The following PRELID2 variants were observed in gnomAD, a reference collection of about 807,000 sequenced individuals.
PRELID2 encodes the protein PRELI domain containing 2, also known as PRELI domain-containing protein 2.
Under a neutral mutation model 28.4 loss-of-function variants are expected in PRELID2, and 25 were observed. The observed-to-expected ratio is 0.88, with a 90% CI of 0.64 to 1.23. The LOEUF (loss-of-function observed/expected upper bound fraction) is 1.23. Among genes scored for constraint, PRELID2 ranks in the 50% most tolerant of loss-of-function variants. PRELID2 has a pLI of 0.00. For missense variants in PRELID2, 201 were observed against 214.4 expected (o/e 0.94, Z 0.39); for synonymous variants, 76 against 71.6 (o/e 1.06, Z -0.31).
chr5:145,779,813 C>T (rs955533562), intron 5 of PRELID2, among the ~76,000 whole-genome samples: 4 of 152,180 alleles, frequency 2.6e-5, no homozygotes, highest in Non-Finnish European at 4.4e-5. Flanking sequence ...GGAGGGCACT[C>T]TGATTTAAAT....
At chr5:145,296,543 A>G in the PRELID2 span, among the ~76,000 whole-genome samples, 1 of 152,156 alleles carries the variant, frequency 6.6e-6, no homozygotes, top group Non-Finnish European at 1.5e-5. Context: ...ATGGCTGCAT[A>G]GTATTCCATG....
the PRELID2 span, among the ~76,000 whole-genome samples, chr5:145,232,996 TGG>T: frequency 6.6e-5 from 10 of 150,788 alleles, no homozygotes; most frequent in African/African-American, 2.5e-4. Flanking sequence ...TGTGTGTGTG[TGG>T]AGATATATAT....
At chr5:145,477,918 A>T (rs1294290878) in intron 1 of PRELID2, among the ~76,000 whole-genome samples, 1 of 152,048 alleles carries the variant, frequency 6.6e-6, no homozygotes, top group Non-Finnish European at 1.5e-5. Flanking sequence ...GAGGAAGAGA[A>T]ATTTGAGATG....
intron 5 of PRELID2, among the ~76,000 whole-genome samples, chr5:145,785,969 T>A (rs1751966860): frequency 6.6e-6 from 1 of 152,220 alleles, no homozygotes; most frequent in South Asian, 2.1e-4. Flanking sequence ...GAGCTGTTCA[T>A]GCAATTCATG....
At chr5:145,697,743 T>C (rs1755312554) in intron 1 of PRELID2, among the ~76,000 whole-genome samples, 1 of 152,194 alleles carries the variant, frequency 6.6e-6, no homozygotes, top group African/African-American at 2.4e-5. Flanking sequence ...AAGAAAAGTC[T>C]CTTGGGTGTG....
chr5:145,651,373 C>T (rs1285524432), intron 1 of PRELID2, among the ~76,000 whole-genome samples: 1 of 152,248 alleles, frequency 6.6e-6, no homozygotes, highest in East Asian at 1.9e-4. Context: ...CCTCTGCAGA[C>T]TTCAATGTCC....
intron 1 of PRELID2, among the ~76,000 whole-genome samples, chr5:145,739,458 T>C (rs1389527658): frequency 1.3e-5 from 2 of 152,162 alleles, no homozygotes; most frequent in African/African-American, 2.4e-5. Context: ...TGAGCCGAGA[T>C]TGCACCACTG....
At chr5:145,713,604 T>C (rs1455316094) in intron 1 of PRELID2, among the ~76,000 whole-genome samples, 1 of 131,800 alleles carries the variant, frequency 7.6e-6, no homozygotes, top group African/African-American at 2.9e-5. Flanking sequence ...TTTATATACA[T>C]AAAATATATA....
rs547531079 is a variant in PRELID2, at chr5:145,770,845, C to T, written c.475-5845G>A. ...GCAATGTGTTTGCGTTTTAAGCTAA[C>T]GGTTATAACAAAATAGTCAAAAAGT... On this transcript the variant is annotated intron_variant, in intron 5 of 6. Transcript: ENST00000683046. Among the ~76,000 whole-genome samples the T allele has an allele frequency of 4.3e-4, 65 of 152,156 alleles. 1 individual carries two copies. The highest frequency in any genetic ancestry group is 1.5e-3 in the African/African-American group (61 of 41,524).
At chr5:145,564,948 C>A (rs1253093006) in intron 1 of PRELID2, among the ~76,000 whole-genome samples, 5 of 152,186 alleles carry the variant, frequency 3.3e-5, no homozygotes, top group South Asian at 2.1e-4. Context: ...AAGTGACACC[C>A]CACCCTGCTT....
At chr5:145,696,083 A>G (rs1017144073) in intron 1 of PRELID2, among the ~76,000 whole-genome samples, 6 of 151,300 alleles carry the variant, frequency 4.0e-5, no homozygotes, top group African/African-American at 1.2e-4. Context: ...AACTCTATAT[A>G]TATCTAAAAC....
intron 1 of PRELID2, among the ~76,000 whole-genome samples, chr5:145,480,407 G>C (rs1051161303): frequency 6.6e-6 from 1 of 151,960 alleles, no homozygotes; most frequent in Admixed American, 6.6e-5. Context: ...ATGATATACA[G>C]GGTGTTTCCT....
intron 1 of PRELID2, among the ~76,000 whole-genome samples, chr5:145,545,001 T>A (rs1233300928): frequency 6.6e-6 from 1 of 152,154 alleles, no homozygotes; most frequent in Non-Finnish European, 1.5e-5. Context: ...CTCTGATAAC[T>A]ATTTGCAAGT....
the PRELID2 span, among the ~76,000 whole-genome samples, chr5:145,277,215 G>A: frequency 2.0e-5 from 3 of 152,014 alleles, no homozygotes; most frequent in South Asian, 4.1e-4. Flanking sequence ...CTTACTAAAT[G>A]TTCAGTAAAC....
the PRELID2 span, among the ~76,000 whole-genome samples, chr5:145,243,051 T>C: frequency 2.0e-5 from 3 of 152,070 alleles, no homozygotes; most frequent in African/African-American, 7.2e-5. Context: ...ATAACAAAAT[T>C]GTAAATAATT....
intron 1 of PRELID2, among the ~76,000 whole-genome samples, chr5:145,543,070 C>G (rs1436049207): frequency 6.6e-6 from 1 of 152,036 alleles, no homozygotes; most frequent in Non-Finnish European, 1.5e-5. Context: ...CATTGTTGAC[C>G]TCCTCAGGGA....
At chr5:145,618,313 T>C (rs1036119179) in intron 1 of PRELID2, among the ~76,000 whole-genome samples, 1 of 152,232 alleles carries the variant, frequency 6.6e-6, no homozygotes, top group South Asian at 2.1e-4. Flanking sequence ...GGATAGGCTC[T>C]GTTAGAGGGA....
chr5:145,734,127 A>T (rs1019922), intron 1 of PRELID2, among the ~76,000 whole-genome samples: 123,774 of 151,784 alleles, frequency 0.82, 50,881 homozygotes, highest in East Asian at 0.88. Flanking sequence ...TTTTTTAAAT[A>T]TTTTTAAAGA....
At chr5:145,538,536 T>C (rs574730764) in intron 1 of PRELID2, among the ~76,000 whole-genome samples, 2 of 152,066 alleles carry the variant, frequency 1.3e-5, no homozygotes, top group South Asian at 4.1e-4. Context: ...AAGGTTTCCA[T>C]CATCACAGAA....
Sources: allele counts gnomAD v4.1 joint callset (sites outside exome capture counted in the v4.1 genomes callset), GRCh38; gene constraint gnomAD v4.1.1; transcripts MANE v1.5; gene names NCBI Gene and HGNC (gene_info 2026-07-23, HGNC 2026-07-21).